The following SAMTOR variants were observed in gnomAD, a reference collection of about 807,000 sequenced individuals.
SAMTOR encodes S-adenosylmethionine sensor upstream of mTORC1, also known as UPF0532 protein C7orf60.
chr7:112,885,404 C>T, the SAMTOR span, among the ~76,000 whole-genome samples: 55 of 152,184 alleles, frequency 3.6e-4, 1 homozygote, highest in African/African-American at 1.1e-3. Context: ...ATTTTCCAAA[C>T]TTTTATGCTC....
At chr7:112,935,267 G>A in the SAMTOR span, 168 of 430,314 alleles carry the variant, frequency 3.9e-4, 1 homozygote, top group East Asian at 0.012. Context: ...AAAGCCCACT[G>A]AGGAAAAAAA....
the SAMTOR span, among the ~76,000 whole-genome samples, chr7:112,878,915 T>A: frequency 5.9e-5 from 9 of 151,940 alleles, no homozygotes; most frequent in African/African-American, 1.7e-4. Context: ...TAGTAAGAGA[T>A]GAGATAGAGG....
the SAMTOR span, among the ~76,000 whole-genome samples, chr7:112,825,494 T>C: frequency 6.6e-6 from 1 of 152,222 alleles, no homozygotes; most frequent in East Asian, 1.9e-4. Flanking sequence ...TCTGATTGGT[T>C]GCTGCTAGTA....
the SAMTOR span, among the ~76,000 whole-genome samples, chr7:112,936,549 TGGA>T: frequency 6.6e-6 from 1 of 152,174 alleles, no homozygotes; most frequent in Non-Finnish European, 1.5e-5. Flanking sequence ...GGCAAATGGT[TGGA>T]GAAGAGTGGA....
the SAMTOR span, among the ~76,000 whole-genome samples, chr7:112,858,965 G>T: frequency 6.6e-6 from 1 of 152,112 alleles, no homozygotes; most frequent in Non-Finnish European, 1.5e-5. Flanking sequence ...CGTTGTGAAG[G>T]CACTTAGATG....
the SAMTOR span, among the ~76,000 whole-genome samples, chr7:112,838,021 G>A: frequency 6.6e-6 from 1 of 151,934 alleles, no homozygotes; most frequent in East Asian, 1.9e-4. Flanking sequence ...AACACCATAT[G>A]TGGGGGTTGT....
chr7:112,929,007 A>G, the SAMTOR span, among the ~76,000 whole-genome samples: 5 of 151,986 alleles, frequency 3.3e-5, no homozygotes, highest in Non-Finnish European at 7.4e-5. Context: ...GCTAAGGTTC[A>G]TGCATTTTTA....
At chr7:112,908,648 C>G in the SAMTOR span, among the ~76,000 whole-genome samples, 2 of 152,054 alleles carry the variant, frequency 1.3e-5, no homozygotes, top group African/African-American at 2.4e-5. Context: ...CTACCACCTA[C>G]AGGGATAAGA....
the SAMTOR span, among the ~76,000 whole-genome samples, chr7:112,856,098 C>T: frequency 4.0e-5 from 6 of 151,774 alleles, no homozygotes; most frequent in African/African-American, 7.3e-5. Context: ...TGAATATAAA[C>T]GAGTATACAA....
chr7:112,899,662 C>A, the SAMTOR span, among the ~76,000 whole-genome samples: 69 of 151,740 alleles, frequency 4.5e-4, no homozygotes, highest in African/African-American at 1.4e-3. Flanking sequence ...AAGAAAGAAT[C>A]CTAAAAGCAG....
chr7:112,873,535 C>G, the SAMTOR span, among the ~76,000 whole-genome samples: 1 of 152,132 alleles, frequency 6.6e-6, no homozygotes, highest in African/African-American at 2.4e-5. Flanking sequence ...AAACTGGACC[C>G]TTACCTCTCA....
chr7:112,920,939 A>G, the SAMTOR span, among the ~76,000 whole-genome samples: 1 of 152,228 alleles, frequency 6.6e-6, no homozygotes, highest in Non-Finnish European at 1.5e-5. Flanking sequence ...GCTCAAGGAA[A>G]TAAAAGAGGA....
At chr7:112,831,150 A>G in the SAMTOR span, among the ~76,000 whole-genome samples, 4 of 152,238 alleles carry the variant, frequency 2.6e-5, no homozygotes, top group African/African-American at 9.6e-5. Flanking sequence ...TTTAAAAATA[A>G]CATTAAAATG....
the SAMTOR span, among the ~76,000 whole-genome samples, chr7:112,865,638 T>TATTCATATATATATTTCATAC: frequency 1.9e-5 from 2 of 102,786 alleles, no homozygotes; most frequent in Non-Finnish European, 4.4e-5. Flanking sequence ...ATATATCATA[T>TATTCATATATATATTTCATAC]ATACATATAT....
the SAMTOR span, among the ~76,000 whole-genome samples, chr7:112,829,481 G>A: frequency 1.3e-5 from 2 of 152,076 alleles, no homozygotes; most frequent in Non-Finnish European, 2.9e-5. Context: ...TAATGTCCCT[G>A]TTTCTGTGTC....
chr7:112,864,560 A>G, the SAMTOR span, among the ~76,000 whole-genome samples: 2 of 152,168 alleles, frequency 1.3e-5, no homozygotes, highest in African/African-American at 4.8e-5. Context: ...AATACTGCTT[A>G]AAGGCTTAGA....
the SAMTOR span, among the ~76,000 whole-genome samples, chr7:112,907,233 T>C: frequency 9.2e-5 from 14 of 152,120 alleles, no homozygotes; most frequent in Non-Finnish European, 1.5e-5. Context: ...ATCAAATTAC[T>C]GAAGAAAAGG....
the SAMTOR span, among the ~76,000 whole-genome samples, chr7:112,930,500 A>C: frequency 6.6e-6 from 1 of 151,786 alleles, no homozygotes; most frequent in Admixed American, 6.6e-5. Context: ...TCATATAAAA[A>C]CTTAGAAACA....
the SAMTOR span, among the ~76,000 whole-genome samples, chr7:112,923,459 C>T: frequency 6.6e-6 from 1 of 151,558 alleles, no homozygotes. Flanking sequence ...GGGAGAAACA[C>T]CCAAGAATGA....
Sources: allele counts gnomAD v4.1 joint callset (sites outside exome capture counted in the v4.1 genomes callset), GRCh38; gene constraint gnomAD v4.1.1; transcripts MANE v1.5; gene names NCBI Gene and HGNC (gene_info 2026-07-23, HGNC 2026-07-21).